Variants in R3HDM1 observed in about 807,000 individuals in gnomAD.
The protein encoded by R3HDM1 is R3H domain-containing protein 1.
R3HDM1 carries 46 observed loss-of-function variants against 141.1 expected under a neutral mutation model. The ratio of observed to expected loss-of-function variants is 0.33; its 90% CI spans 0.26 to 0.42. The LOEUF (loss-of-function observed/expected upper bound fraction) is 0.42. R3HDM1 is among the 10% of genes least tolerant of loss of function. The probability of loss-of-function intolerance (pLI) is 1.00; values close to 1 mark genes in which losing one functional copy is unlikely to be tolerated. For missense variants in R3HDM1, 1,184 were observed against 1,368.3 expected, an observed-to-expected ratio of 0.87 and a Z score of 2.12; for synonymous variants, 435 against 472.9, an observed-to-expected ratio of 0.92 and a Z score of 1.04.
chr2:135,566,662 A>G, intron 1 of R3HDM1: 1 of 812,970 alleles, frequency 1.2e-6, no homozygotes, highest in Non-Finnish European at 1.5e-6. Flanking sequence ...ATGAAAATCC[A>G]AACTATTAAT....
rs1057197523 is a variant in R3HDM1 at position 135,667,818 on chromosome 2, T to G, written c.2152+6425T>G. The stretch of plus-strand genomic sequence containing the variant: ...TCTTCAAACTATACTTTTGACACTA[T>G]GAGAACTCTGTACCCACTCTTGCTT... On this transcript the variant is annotated intron_variant, in intron 19 of 26. Coordinates refer to ENST00000683871, the MANE Select transcript of R3HDM1 (RefSeq NM_001378107.1). 3 of 906,526 alleles carry G rather than the reference T, an allele frequency of 3.3e-6. No homozygotes were observed. The African/African-American group carries it at 5.4e-5, about 16-fold the overall frequency. The allele number at this position is 906,526 out of a possible 1,614,324, so 56.2% of individuals were successfully genotyped here.
intron 1 of R3HDM1, chr2:135,586,937 A>G: frequency 7.1e-6 from 7 of 985,104 alleles, no homozygotes; most frequent in Non-Finnish European, 8.4e-6. Context: ...ATACAATGTG[A>G]ATGAGACTTT....
chr2:135,617,920 T>C (rs964516701), intron 5 of R3HDM1, among the ~76,000 whole-genome samples: 1 of 152,192 alleles, frequency 6.6e-6, no homozygotes, highest in African/African-American at 2.4e-5. Flanking sequence ...CATTTGGTGA[T>C]TCAAACTAAA....
chr2:135,533,022 T>G (rs1231054563), intron 1 of R3HDM1, among the ~76,000 whole-genome samples: 1 of 152,260 alleles, frequency 6.6e-6, no homozygotes, highest in Non-Finnish European at 1.5e-5. Flanking sequence ...TGAGTTTTGA[T>G]CATTTCTTCA....
chr2:135,723,805 A>AT, intron 26 of R3HDM1, 132 bp from the exon 27 acceptor site: 1 of 404,204 alleles, frequency 2.5e-6, no homozygotes, highest in Non-Finnish European at 4.4e-6. Flanking sequence ...AAAAAAAAAA[A>AT]GATGGCCCTA....
intron 1 of R3HDM1, chr2:135,586,228 A>G (rs1344240272): frequency 1.3e-5 from 2 of 152,352 alleles, no homozygotes; most frequent in East Asian, 3.8e-4. Context: ...TTGCTAATGA[A>G]GAGCTCAATA....
intron 1 of R3HDM1, among the ~76,000 whole-genome samples, chr2:135,547,103 A>G (rs1341046102): frequency 6.6e-6 from 1 of 152,222 alleles, no homozygotes; most frequent in Non-Finnish European, 1.5e-5. Context: ...TTGAACTCAG[A>G]CACCTATCAT....
At chr2:135,544,833 G>A (rs1035384424) in intron 1 of R3HDM1, among the ~76,000 whole-genome samples, 1 of 152,050 alleles carries the variant, frequency 6.6e-6, no homozygotes, top group Non-Finnish European at 1.5e-5. Context: ...GCATGGTGGT[G>A]CACTCCTGTT....
chr2:135,550,722 CCTT>C (rs1485147735), intron 1 of R3HDM1, among the ~76,000 whole-genome samples: 1 of 152,034 alleles, frequency 6.6e-6, no homozygotes, highest in Non-Finnish European at 1.5e-5. Context: ...AAATATTGTG[CCTT>C]CTTTCTTTTT....
chr2:135,699,915 T>C (rs1391043913), intron 21 of R3HDM1, among the ~76,000 whole-genome samples: 1 of 152,176 alleles, frequency 6.6e-6, no homozygotes, highest in Non-Finnish European at 1.5e-5. Context: ...TTAAGGCAAC[T>C]TGAACACAAA....
At chr2:135,540,802 T>C (rs554915658) in intron 1 of R3HDM1, among the ~76,000 whole-genome samples, 61 of 152,332 alleles carry the variant, frequency 4.0e-4, no homozygotes, top group African/African-American at 1.4e-3. Context: ...GGAATTACTA[T>C]CTTTGGCGGC....
intron 21 of R3HDM1, among the ~76,000 whole-genome samples, chr2:135,684,154 G>A (rs899394985): frequency 5.3e-5 from 8 of 151,998 alleles, no homozygotes; most frequent in Non-Finnish European, 7.4e-5. Flanking sequence ...GCAGTGGCAC[G>A]AACTCAGCTC....
chr2:135,532,819 T>C (rs1695210607), intron 1 of R3HDM1, among the ~76,000 whole-genome samples: 1 of 152,226 alleles, frequency 6.6e-6, no homozygotes, highest in Non-Finnish European at 1.5e-5. Flanking sequence ...TCTGTTATGA[T>C]TTCTTCATCA....
chr2:135,605,644 T>G (rs2059982530), intron 3 of R3HDM1: 1 of 152,226 alleles, frequency 6.6e-6, no homozygotes, highest in African/African-American at 2.4e-5. Context: ...GTTATCTATT[T>G]TCTCAGAATG....
chr2:135,627,987 A>C (rs2062219930), intron 7 of R3HDM1, among the ~76,000 whole-genome samples: 1 of 152,206 alleles, frequency 6.6e-6, no homozygotes, highest in African/African-American at 2.4e-5. Context: ...TTAGTTTATT[A>C]GCTTGTTTTT....
At chr2:135,614,165 G>A (rs2060800806) in intron 3 of R3HDM1, among the ~76,000 whole-genome samples, 1 of 152,068 alleles carries the variant, frequency 6.6e-6, no homozygotes, top group Non-Finnish European at 1.5e-5. Flanking sequence ...TTACTTCTCT[G>A]TATCTTCCTT....
In R3HDM1 at chr2:135,699,089, A is replaced by AGATAGATAGATAGATAGATG. The variant is rs1205767219; in HGVS notation, c.2460-10329_2460-10328insAGATGGATAGATAGATAGAT. Among the ~76,000 whole-genome samples the AGATAGATAGATAGATAGATG allele has an allele frequency of 1.6e-4, 25 of 151,522 alleles. No individual in the cohort carries two copies. In the East Asian group the frequency reaches 4.6e-3, roughly 28 times the overall value. On this transcript the variant is annotated intron_variant, in intron 21 of 26. Transcript: ENST00000683871. ...GATTAGATAGATTAGATAGATAGAT[A>AGATAGATAGATAGATAGATG]GATAGATAGATAGATTAGATATTCC...
intron 2 of R3HDM1, among the ~76,000 whole-genome samples, chr2:135,604,469 A>C (rs2059878795): frequency 6.6e-6 from 1 of 152,102 alleles, no homozygotes; most frequent in Non-Finnish European, 1.5e-5. Flanking sequence ...AAAAAAACAC[A>C]CTTATGTGTT....
intron 14 of R3HDM1, among the ~76,000 whole-genome samples, chr2:135,641,028 T>C (rs2063735623): frequency 6.6e-6 from 1 of 152,242 alleles, no homozygotes; most frequent in South Asian, 2.1e-4. Flanking sequence ...AATGAGAAAT[T>C]AGATTCTGCA....
Sources: gnomAD v4.1 joint callset for allele counts (sites outside exome capture counted in the v4.1 genomes callset) on GRCh38, gnomAD v4.1.1 for gene constraint, MANE v1.5 for transcripts, NCBI Gene and HGNC (gene_info 2026-07-23, HGNC 2026-07-21) for gene names.